Variants in PTPN13 observed in about 807,000 individuals in gnomAD.
PTPN13 encodes the protein protein tyrosine phosphatase non-receptor type 13.
Under a neutral mutation model 284.0 loss-of-function variants are expected in PTPN13, and 191 were observed. That is an observed-to-expected ratio of 0.67 (90% confidence interval 0.60 to 0.76). The LOEUF is 0.76. PTPN13 is among the 30% of genes least tolerant of loss of function. PTPN13 has a pLI of 0.00. For synonymous variants in PTPN13, 986 were observed against 1,022.3 expected, an observed-to-expected ratio of 0.96 and a Z score of 0.68; for missense variants, 2,797 against 2,939.9, an observed-to-expected ratio of 0.95 and a Z score of 1.12.
At chr4:86,811,344 A>G (rs1220015188) in intron 47 of PTPN13, among the ~76,000 whole-genome samples, 3 of 152,178 alleles carry the variant, frequency 2.0e-5, no homozygotes, top group African/African-American at 7.2e-5. Flanking sequence ...ATCTGCACTG[A>G]AGAGATTACA....
intron 6 of PTPN13, among the ~76,000 whole-genome samples, chr4:86,696,910 C>A (rs1299577135): frequency 6.6e-6 from 1 of 151,928 alleles, no homozygotes; most frequent in Non-Finnish European, 1.5e-5. Flanking sequence ...TTTAGACCTT[C>A]TTAACCATCA....
chr4:86,727,313 C>T lies in PTPN13; in HGVS notation c.1608+4879C>T, dbSNP rs1447927702. 2.0e-5 allele frequency among the ~76,000 whole-genome samples: 3 copies of T among 149,434 alleles called. 1 individual carries two copies. The highest frequency in any genetic ancestry group is 3.0e-5 in the Non-Finnish European group (2 of 66,550). Reference sequence around the variant, plus strand: ...TCTCTGCCACACTTTGGTATCAGGACAATGCTGGCCTCATAAAATGAGTTA... The same window carrying T: ...TCTCTGCCACACTTTGGTATCAGGATAATGCTGGCCTCATAAAATGAGTTA... On this transcript the variant is annotated intron_variant, in intron 10 of 47. Coordinates refer to ENST00000411767, the MANE Select transcript of PTPN13 (RefSeq NM_080683.3).
In PTPN13 at chr4:86,734,297, G is replaced by T. The variant is rs761926887; in HGVS notation, c.1859-6G>T. The stretch of plus-strand genomic sequence containing the variant: ...TTTATCTGAATATTTTTCTCATTCT[G>T]TTTAGATAATGAATATTTCTTTGTT... On this transcript the variant is annotated splice_region_variant and splice_polypyrimidine_tract_variant and intron_variant, in intron 12 of 47. Transcript: ENST00000411767. The T allele has an allele frequency of 6.8e-7, 1 of 1,460,542 alleles. No individual in the cohort carries two copies. Among genetic ancestry groups the T allele is most frequent in the Admixed American group, 2.6e-5 (1 of 38,280 alleles). 90.5% of individuals were successfully genotyped at this position (1,460,542 alleles called of 1,614,324 possible).
chr4:86,737,639 C>A (rs1735675371), intron 15 of PTPN13, among the ~76,000 whole-genome samples: 1 of 151,462 alleles, frequency 6.6e-6, no homozygotes, highest in South Asian at 2.1e-4. Flanking sequence ...TACTGATCTG[C>A]TATTACCATA....
rs185861909 is a variant in PTPN13 at position 86,636,497 on chromosome 4, C to T, written c.115+1126C>T. Among the ~76,000 whole-genome samples, 7 of 152,156 alleles carry T rather than the reference C, an allele frequency of 4.6e-5. No individual in the cohort carries two copies. The East Asian group carries it at 1.4e-3, about 29-fold the overall frequency. ...TTGATTTGAATGCATACATCAGACA[C>T]AAAAAAGCCTGACAGAAATAAGTAA... On this transcript the variant is annotated intron_variant, in intron 2 of 47. Coordinates refer to ENST00000411767, the MANE Select transcript of PTPN13 (RefSeq NM_080683.3).
Position 86,661,504 on chromosome 4 carries a change from A to G in PTPN13, c.116-10861A>G, listed in dbSNP as rs141028037. Among the ~76,000 whole-genome samples the G allele has an allele frequency of 4.4e-3, 666 of 152,314 alleles. 3 individuals carry two copies. The highest frequency in any genetic ancestry group is 0.015 in the African/African-American group (603 of 41,574). On this transcript the variant is annotated intron_variant, in intron 2 of 47. Transcript: ENST00000411767. ...AAAAAATTGAATAGTTTACCATTCA[A>G]ATAATCTTCCTTCCTCCTTTTCTTT...
At chr4:86,704,655 G>C (rs1318586405) in intron 7 of PTPN13, among the ~76,000 whole-genome samples, 1 of 152,020 alleles carries the variant, frequency 6.6e-6, no homozygotes, top group Non-Finnish European at 1.5e-5. Flanking sequence ...ATTTGTTATA[G>C]GATGCACAAA....
intron 37 of PTPN13, among the ~76,000 whole-genome samples, chr4:86,783,034 A>T (rs1741497865): frequency 6.6e-6 from 1 of 152,172 alleles, no homozygotes; most frequent in African/African-American, 2.4e-5. Flanking sequence ...TTCCATGTAA[A>T]ATACAGCGCT....
At chr4:86,760,124 A>G (rs889352984) in intron 23 of PTPN13, among the ~76,000 whole-genome samples, 4 of 152,188 alleles carry the variant, frequency 2.6e-5, no homozygotes, top group Non-Finnish European at 5.9e-5. Flanking sequence ...GATATTATAT[A>G]TATTTTGTAT....
intron 28 of PTPN13, 34 bp from the exon 29 acceptor site, chr4:86,769,734 TA>T (rs766980329): frequency 7.4e-7 from 1 of 1,357,618 alleles, no homozygotes; most frequent in South Asian, 1.3e-5. Flanking sequence ...AGCATGTTAA[TA>T]ATATCTAAAT....
chr4:86,600,750 T>C (rs1764235227), intron 1 of PTPN13, among the ~76,000 whole-genome samples: 1 of 152,092 alleles, frequency 6.6e-6, no homozygotes, highest in South Asian at 2.1e-4. Context: ...ATTTAAGTAT[T>C]TTTGCTTCTT....
Position 86,809,622 on chromosome 4 carries a change from C to T in PTPN13, c.7084-147C>T, listed in dbSNP as rs7683095. On this transcript the variant is annotated intron_variant, in intron 45 of 47. Transcript: ENST00000411767. ...AGGAGAATCGCTTGAACCTGGGAGG[C>T]GGAGGCTGCAGTGAGCCGAGATTGC... 4,411 of 657,920 alleles carry T rather than the reference C, an allele frequency of 6.7e-3. 144 individuals carry two copies. The African/African-American group carries it at 0.072, about 11-fold the overall frequency. The allele number at this position is 657,920 out of a possible 1,614,324, so 40.8% of individuals were successfully genotyped here.
Position 86,728,281 on chromosome 4 carries a change from T to C in PTPN13, c.1609-4119T>C, listed in dbSNP as rs1195216767. On this transcript the variant is annotated intron_variant, in intron 10 of 47. Coordinates refer to ENST00000411767, the MANE Select transcript of PTPN13 (RefSeq NM_080683.3). ...AAGTGTGATGTGGTGCTGAGAAGAA[T>C]GTACATTCTGTTGATTTGGGGTGGT... 2.0e-5 allele frequency among the ~76,000 whole-genome samples: 3 copies of C among 149,656 alleles called. 1 individual carries two copies. Among genetic ancestry groups the C allele is most frequent in the Non-Finnish European group, 4.5e-5 (3 of 66,742 alleles).
chr4:86,668,134 A>G (rs1292074939), intron 2 of PTPN13, among the ~76,000 whole-genome samples: 4 of 152,192 alleles, frequency 2.6e-5, no homozygotes, highest in African/African-American at 9.6e-5. Context: ...ATCTATAAAT[A>G]TAATCATTAG....
intron 6 of PTPN13, 100 bp downstream of exon 6, chr4:86,693,774 C>T: frequency 1.3e-6 from 1 of 754,736 alleles, no homozygotes; most frequent in Non-Finnish European, 2.0e-6. Context: ...GTAATTGAGA[C>T]TATGATTAGA....
intron 1 of PTPN13, among the ~76,000 whole-genome samples, chr4:86,626,719 A>G (rs1280333423): frequency 6.6e-6 from 1 of 152,126 alleles, no homozygotes; most frequent in African/African-American, 2.4e-5. Flanking sequence ...TAAAAATACA[A>G]TTACCATATG....
chr4:86,664,631 CAG>C (rs1476472436), intron 2 of PTPN13, among the ~76,000 whole-genome samples: 1 of 152,034 alleles, frequency 6.6e-6, no homozygotes, highest in Non-Finnish European at 1.5e-5. Flanking sequence ...TATGTGAAAA[CAG>C]AGTTACAAAA....
chr4:86,665,957 C>CTTA (rs2148868451), intron 2 of PTPN13, among the ~76,000 whole-genome samples: 1 of 152,292 alleles, frequency 6.6e-6, no homozygotes, highest in African/African-American at 2.4e-5. Context: ...TTATATGGCA[C>CTTA]TTACTGCTGT....
chr4:86,640,016 G>A (rs1045579479), intron 2 of PTPN13, among the ~76,000 whole-genome samples: 1 of 152,148 alleles, frequency 6.6e-6, no homozygotes, highest in African/African-American at 2.4e-5. Flanking sequence ...GAAAGATGTA[G>A]GGATAACTAC....
Sources: allele counts gnomAD v4.1 joint callset (sites outside exome capture counted in the v4.1 genomes callset), GRCh38; gene constraint gnomAD v4.1.1; transcripts MANE v1.5; gene names NCBI Gene and HGNC (gene_info 2026-07-23, HGNC 2026-07-21).